Variants in ACP2 observed in about 807,000 individuals in gnomAD.
ACP2 encodes acid phosphatase 2, lysosomal.
In ACP2, 35 loss-of-function variants were observed where a neutral mutation model predicts 54.7. That is an observed-to-expected ratio of 0.64 (90% CI 0.49 to 0.85). ACP2 has a LOEUF of 0.85. Ranked by LOEUF, ACP2 falls within the 40% of genes least tolerant of loss-of-function variation. ACP2 has a pLI of 0.00. For missense variants in ACP2, 492 were observed against 565.0 expected (o/e 0.87, Z 1.31); for synonymous variants, 210 against 224.4 (o/e 0.94, Z 0.57).
Position 47,243,318 on chromosome 11 carries a change from A to T in ACP2, c.776T>A (p.Val259Asp). The stretch of plus-strand genomic sequence containing the variant: ...GTTCTTCCTTATCTGAGCCAGCAGG[A>T]CTCCTGAAGGAGAAAAGTCCCCGGT... ...QAEKARLQGG[V>D]LLAQIRKNLT... The change falls in exon 8 of 11, where the codon GTC (valine) becomes GAC (aspartate). Residue 259 changes from valine to aspartate, a missense_variant. By Grantham distance (152) the Val-to-Asp change is radical. Coordinates refer to ENST00000672073, the MANE Select transcript of ACP2 (RefSeq NM_001610.4). The T allele has an allele frequency of 6.2e-7, 1 of 1,613,796 alleles. No individual in the cohort carries two copies.
chr11:47,245,077 A>C (rs1189500928), intron 6 of ACP2: 1 of 987,090 alleles, frequency 1.0e-6, no homozygotes, highest in African/African-American at 1.6e-5. Flanking sequence ...GACTCAGCAG[A>C]AAGGAGCTCT....
At chr11:47,248,494 T>G in intron 1 of ACP2, 182 bp downstream of exon 1, 1 of 1,550,522 alleles carries the variant, frequency 6.4e-7, no homozygotes, top group Non-Finnish European at 8.7e-7. Flanking sequence ...CCCCGACGTA[T>G]TCGGTCATCC....
chr11:47,239,939 A>G lies in ACP2; in HGVS notation c.*177T>C, dbSNP rs1446140942. The stretch of plus-strand genomic sequence containing the variant: ...CACTTGGTAAACATCAGGCATGGGA[A>G]TGCTGAGTGACAGGCACCATGGGCC... On this transcript the variant is annotated 3_prime_UTR_variant, in exon 11 of 11. Coordinates refer to ENST00000672073, the MANE Select transcript of ACP2 (RefSeq NM_001610.4). 1 of 623,040 alleles carries G rather than the reference A, an allele frequency of 1.6e-6. No homozygotes were observed. The highest frequency in any genetic ancestry group is 2.8e-6 in the Non-Finnish European group (1 of 362,038). 38.6% of individuals were successfully genotyped at this position (623,040 alleles called of 1,614,324 possible).
At chr11:47,247,063 G>A (rs1406223177) in intron 3 of ACP2, among the ~76,000 whole-genome samples, 2 of 152,102 alleles carry the variant, frequency 1.3e-5, no homozygotes, top group Non-Finnish European at 2.9e-5. Context: ...CATTCCTGGG[G>A]TGGGGCGAAG....
intron 7 of ACP2, 57 bp downstream of exon 7, chr11:47,244,678 A>G: frequency 7.0e-7 from 1 of 1,424,832 alleles, no homozygotes. Context: ...CCCACAGCAG[A>G]TTTTTAACGC....
chr11:47,243,635 G>T (rs534501632), intron 7 of ACP2, among the ~76,000 whole-genome samples: 11 of 152,302 alleles, frequency 7.2e-5, no homozygotes, highest in African/African-American at 2.6e-4. Flanking sequence ...AGTACACAGC[G>T]GGTGGGTGCA....
In ACP2 at chr11:47,240,101, G is replaced by C. The variant is rs1020945346; in HGVS notation, c.*15C>G. 4 of 1,610,900 alleles carry C rather than the reference G, an allele frequency of 2.5e-6. No homozygotes were observed. The highest frequency in any genetic ancestry group is 3.3e-5 in the Admixed American group (2 of 59,780). On this transcript the variant is annotated 3_prime_UTR_variant, in exon 11 of 11. Coordinates refer to ENST00000672073, the MANE Select transcript of ACP2 (RefSeq NM_001610.4). ...ACCTCCCCTAGGAGGTGGAGGGAAGGGGGCTGAGTGGTTGTCAGGCGTGGT... is the reference window on the plus strand; with the variant it reads ...ACCTCCCCTAGGAGGTGGAGGGAAGCGGGCTGAGTGGTTGTCAGGCGTGGT...
chr11:47,240,143 G>A lies in ACP2; in HGVS notation c.1245C>T (p.His415=), dbSNP rs781123211. The A allele has an allele frequency of 9.9e-6, 16 of 1,613,912 alleles. No individual in the cohort carries two copies. Among genetic ancestry groups the A allele is most frequent in the Admixed American group, 1.7e-5 (1 of 59,998 alleles). Residue 415 remains histidine, a synonymous_variant, in exon 11 of 11, where the codon CAC becomes CAT. Transcript: ENST00000672073. ...RMQAQPPGYR[H]VADGEDHA ...AGGCGTGGTCCTCCCCATCTGCGAC[G>A]TGGCGGTAGCCAGGAGGCTGGGCCT...
At chr11:47,246,137 C>T (rs967623671) in intron 3 of ACP2, among the ~76,000 whole-genome samples, 8 of 152,190 alleles carry the variant, frequency 5.3e-5, no homozygotes, top group Admixed American at 6.5e-5. Context: ...AGTTGAAATG[C>T]CCCTTCCAGT....
chr11:47,241,097 G>T (rs7933246), intron 10 of ACP2, among the ~76,000 whole-genome samples: 1 of 152,090 alleles, frequency 6.6e-6, no homozygotes, highest in Non-Finnish European at 1.5e-5. Flanking sequence ...GTAGGAGATG[G>T]GGCAGGAGAC....
chr11:47,240,271 G>T, intron 10 of ACP2, 22 bp from the exon 11 acceptor site: 1 of 1,208,042 alleles, frequency 8.3e-7, no homozygotes, highest in East Asian at 2.3e-5. Context: ...GGAGGCAAGA[G>T]AAAGGTCATG....
At chr11:47,248,414 A>T in intron 1 of ACP2, 4 of 1,531,948 alleles carry the variant, frequency 2.6e-6, no homozygotes, top group Non-Finnish European at 1.8e-6. Flanking sequence ...TGGGGAAAAA[A>T]GATAACCAAA....
intron 1 of ACP2, 33 bp from the exon 2 acceptor site, chr11:47,248,166 G>A (rs1954280972): frequency 1.9e-6 from 3 of 1,551,742 alleles, no homozygotes; most frequent in Non-Finnish European, 8.7e-7. Flanking sequence ...CTATAGGTCA[G>A]AAGCATCCCC....
chr11:47,244,738 C>G lies in ACP2; in HGVS notation c.769G>C (p.Gly257Arg), dbSNP rs994143812. The part of the protein sequence containing the change: ...YQQAEKARLQ[G>R]GVLLAQIRKN... Reference sequence around the variant, plus strand: ...ACACGCTGTCCTTGTCACTCACCCCCCTGAAGCCGGGCCTTCTCCGCCTGC... The same window carrying G: ...ACACGCTGTCCTTGTCACTCACCCCGCTGAAGCCGGGCCTTCTCCGCCTGC... Residue 257 changes from glycine (G) to arginine (R), a missense_variant, in exon 7 of 11, where the codon GGG becomes CGG. By Grantham distance (125) the Gly-to-Arg change is moderately radical. Coordinates refer to ENST00000672073, the MANE Select transcript of ACP2 (RefSeq NM_001610.4). 2.5e-6 allele frequency: 4 copies of G among 1,604,434 alleles called. No homozygotes were observed. Among genetic ancestry groups the G allele is most frequent in the Non-Finnish European group, 3.4e-6 (4 of 1,173,822 alleles).
rs375076117 is a variant in ACP2 at position 47,245,658 on chromosome 11, C to G, written c.450+24G>C. The G allele has an allele frequency of 3.1e-6, 5 of 1,613,242 alleles. No homozygotes were observed. The African/African-American group carries it at 5.3e-5, about 17-fold the overall frequency. On this transcript the variant is annotated intron_variant, in intron 4 of 10. Transcript: ENST00000672073. The stretch of plus-strand genomic sequence containing the variant: ...GGCCAGAGCTGTCCCCTCACCACCC[C>G]AGGGAAGGGCTGGCCACTCTTACCC...
intron 3 of ACP2, 65 bp from the exon 4 acceptor site, chr11:47,245,899 G>A: frequency 7.7e-7 from 1 of 1,297,716 alleles, no homozygotes; most frequent in African/African-American, 1.9e-5. Flanking sequence ...GGAAGTTTTG[G>A]TCACCCTGAA....
rs773487765 is a variant in ACP2 at position 47,243,246 on chromosome 11, T to A, written c.848A>T (p.Tyr283Phe). 1.9e-6 allele frequency: 3 copies of A among 1,614,114 alleles called. No individual in the cohort carries two copies. Among genetic ancestry groups the A allele is most frequent in the East Asian group, 4.5e-5 (2 of 44,876 alleles). Reference protein sequence around the residue: ...TTSQLPKLLVYSAHDTTLVAL... With the variant: ...TTSQLPKLLVFSAHDTTLVAL... The stretch of plus-strand genomic sequence containing the variant: ...GGGAGCGCAGGCACTCACCGCAGAG[T>A]AAACCAGCAGCTTGGGGAGCTGGGA... The change falls in exon 8 of 11, where the codon TAC becomes TTC. Residue 283 changes from tyrosine to phenylalanine, a missense_variant. Transcript: ENST00000672073.
chr11:47,241,858 A>G (rs1953890771), intron 10 of ACP2, among the ~76,000 whole-genome samples: 1 of 152,230 alleles, frequency 6.6e-6, no homozygotes, highest in Non-Finnish European at 1.5e-5. Context: ...CTTACTTAAC[A>G]TGCATGTAGA....
chr11:47,240,473 T>G (rs1485699414), intron 10 of ACP2, among the ~76,000 whole-genome samples: 1 of 152,190 alleles, frequency 6.6e-6, no homozygotes, highest in Non-Finnish European at 1.5e-5. Context: ...GCAGATCACC[T>G]GAGGTCAGGA....
Sources: allele counts gnomAD v4.1 joint callset (sites outside exome capture counted in the v4.1 genomes callset), GRCh38; gene constraint gnomAD v4.1.1; transcripts MANE v1.5; gene names NCBI Gene and HGNC (gene_info 2026-07-23, HGNC 2026-07-21).